Variants in PACRGL observed in about 807,000 individuals in gnomAD.
PACRGL encodes the protein PACRG-like protein.
PACRGL carries 38 observed loss-of-function variants against 34.5 expected under a neutral mutation model. The observed-to-expected ratio is 1.10, with a 90% CI of 0.85 to 1.44. PACRGL has a LOEUF of 1.44. Ranked by LOEUF, PACRGL falls within the 40% of genes most tolerant of loss-of-function variation. The pLI is 0.00. For synonymous variants in PACRGL, 128 were observed against 100.1 expected (o/e 1.28, Z -1.66); for missense variants, 305 against 281.4 (o/e 1.08, Z -0.60).
downstream of PACRGL, among the ~76,000 whole-genome samples, chr4:20,735,996 G>A (rs187138636): frequency 1.4e-3 from 210 of 152,224 alleles, 1 homozygote; most frequent in Non-Finnish European, 2.3e-3. Flanking sequence ...TTTTATAGCT[G>A]TATTTCTATC....
chr4:20,734,417 G>GTGTA (rs1749087592), downstream of PACRGL, among the ~76,000 whole-genome samples: 1 of 152,110 alleles, frequency 6.6e-6, no homozygotes, highest in Admixed American at 6.6e-5. Flanking sequence ...GGAAACAAGG[G>GTGTA]TGTAATCTTT....
intron 8 of PACRGL, among the ~76,000 whole-genome samples, chr4:20,748,767 T>C (rs995548780): frequency 1.3e-5 from 2 of 150,134 alleles, no homozygotes; most frequent in Non-Finnish European, 3.0e-5. Context: ...AATAAAAGCC[T>C]TCACAGCTGA....
chr4:20,748,485 G>A (rs976732008), intron 8 of PACRGL, among the ~76,000 whole-genome samples: 13 of 148,460 alleles, frequency 8.8e-5, no homozygotes, highest in Non-Finnish European at 1.9e-4. Flanking sequence ...CTTTATCAGA[G>A]CTCTCATCAA....
At chr4:20,740,399 G>C (rs1041723065) in intron 8 of PACRGL, among the ~76,000 whole-genome samples, 24 of 152,178 alleles carry the variant, frequency 1.6e-4, no homozygotes, top group African/African-American at 5.5e-4. Context: ...AACTTTACAA[G>C]CCAGAAGAGA....
chr4:20,701,926 A>G (rs527389250), intron 1 of PACRGL: 2 of 455,612 alleles, frequency 4.4e-6, no homozygotes, highest in Non-Finnish European at 8.8e-6. Flanking sequence ...ATTGTTTTGG[A>G]AGGAAATTCT....
rs1388470260 is a variant in PACRGL at position 20,729,564 on chromosome 4, CTA to C, written c.*2225_*2226del. The stretch of plus-strand genomic sequence containing the variant: ...GGTGGGAAGGCCATAGAAACTGGAA[CTA>C]TGTGTTTTTTTAATTGTTGTAATCT... On this transcript the variant is annotated 3_prime_UTR_variant, in exon 9 of 9. Transcript: ENST00000503585. 6.7e-6 allele frequency: 1 copy of C among 148,198 alleles called. No homozygotes were observed. The highest frequency in any genetic ancestry group is 2.5e-5 in the African/African-American group (1 of 40,050). 9.2% of individuals were successfully genotyped at this position (148,198 alleles called of 1,614,324 possible). A position where few individuals can be genotyped will look rare whatever the true frequency, so the allele number is the denominator to read the frequency against.
chr4:20,756,332 C>T (rs538065425), downstream of PACRGL, among the ~76,000 whole-genome samples: 15 of 152,234 alleles, frequency 9.9e-5, no homozygotes, highest in South Asian at 2.9e-3. Context: ...CCTGAACTCC[C>T]GATTCATGGA....
the PACRGL span, among the ~76,000 whole-genome samples, chr4:20,762,865 C>T: frequency 6.6e-6 from 1 of 152,164 alleles, no homozygotes; most frequent in Non-Finnish European, 1.5e-5. Context: ...TTAATTGACT[C>T]ACAGGTCAGC....
rs1157963632 is a variant in PACRGL, at chr4:20,729,824, A to ATTCTATTAC, written c.*2486_*2494dup. Reference sequence around the variant, plus strand: ...AGGAACCAATAAAACTATATGCCAGATTCTATTACTTTTGAATATTCACAG... The same window carrying ATTCTATTAC: ...AGGAACCAATAAAACTATATGCCAGATTCTATTACTTCTATTACTTTTGAATATTCACAG... On this transcript the variant is annotated 3_prime_UTR_variant, in exon 9 of 9. Transcript: ENST00000503585. 3 of 358,370 alleles carry ATTCTATTAC rather than the reference A, an allele frequency of 8.4e-6. No homozygotes were observed. Among genetic ancestry groups the ATTCTATTAC allele is most frequent in the Non-Finnish European group, 1.5e-5 (3 of 200,106 alleles). 22.2% of individuals were successfully genotyped at this position (358,370 alleles called of 1,614,324 possible).
In PACRGL at chr4:20,713,082, T is replaced by G. The variant is rs573024534; in HGVS notation, c.501+160T>G. 3 of 734,240 alleles carry G rather than the reference T, an allele frequency of 4.1e-6. No homozygotes were observed. In the South Asian group the frequency reaches 9.2e-5, roughly 23 times the overall value. 45.5% of individuals were successfully genotyped at this position (734,240 alleles called of 1,614,324 possible). On this transcript the variant is annotated intron_variant, in intron 6 of 8. Coordinates refer to ENST00000503585, the MANE Select transcript of PACRGL (RefSeq NM_001258345.3). The stretch of plus-strand genomic sequence containing the variant: ...ATTTACAGAATTAGGCAACTGTTAC[T>G]CAGGGCCAGATAACTACATACTTGA...
intron 8 of PACRGL, among the ~76,000 whole-genome samples, chr4:20,742,751 A>T (rs538399040): frequency 6.6e-6 from 1 of 152,170 alleles, no homozygotes; most frequent in Non-Finnish European, 1.5e-5. Flanking sequence ...AGGGTATTCA[A>T]TTAGGGAAAG....
At position 20,731,405 on chromosome 4, in the gene PACRGL, C is replaced by G. The variant is rs1748163224; in HGVS notation, c.*4064C>G. The G allele has an allele frequency of 1.0e-6, 1 of 985,230 alleles. No individual in the cohort carries two copies. Among genetic ancestry groups the G allele is most frequent in the African/African-American group, 1.7e-5 (1 of 57,236 alleles). 61.0% of individuals were successfully genotyped at this position (985,230 alleles called of 1,614,324 possible). ...ATTTTTAACTGTGGTTCTGCCCACA[C>G]ATCAAGTCAAATAATTCTAAGTAAG... On this transcript the variant is annotated 3_prime_UTR_variant, in exon 9 of 9. Transcript: ENST00000503585.
At chr4:20,703,154 G>A (rs1732954904) in intron 1 of PACRGL, among the ~76,000 whole-genome samples, 1 of 152,168 alleles carries the variant, frequency 6.6e-6, no homozygotes, top group South Asian at 2.1e-4. Context: ...AAAAATGAAG[G>A]AGTTAAGAGT....
At chr4:20,741,806 A>C (rs1751177669) in intron 8 of PACRGL, among the ~76,000 whole-genome samples, 1 of 152,216 alleles carries the variant, frequency 6.6e-6, no homozygotes, top group Admixed American at 6.5e-5. Flanking sequence ...AGATCAACAA[A>C]ATTGATAGAC....
At chr4:20,726,519 T>TTA (rs1745720798) in intron 8 of PACRGL, among the ~76,000 whole-genome samples, 1 of 152,172 alleles carries the variant, frequency 6.6e-6, no homozygotes, top group Admixed American at 6.5e-5. Flanking sequence ...CTAATTTCTG[T>TTA]TACTTCGTAA....
In PACRGL at chr4:20,731,711, T is replaced by C. The variant is rs1292983534; in HGVS notation, c.*4370T>C. 9 of 985,166 alleles carry C rather than the reference T, an allele frequency of 9.1e-6. No homozygotes were observed. Among genetic ancestry groups the C allele is most frequent in the Non-Finnish European group, 1.1e-5 (9 of 829,802 alleles). The allele number at this position is 985,166 out of a possible 1,614,324, so 61.0% of individuals were successfully genotyped here. A position where few individuals can be genotyped will look rare whatever the true frequency, so the allele number is the denominator to read the frequency against. On this transcript the variant is annotated 3_prime_UTR_variant, in exon 9 of 9. Coordinates refer to ENST00000503585, the MANE Select transcript of PACRGL (RefSeq NM_001258345.3). ...TTGGCAAAGAGCAATTCAAATCTCA[T>C]GTATGTTTTATCCTCCATGAATACT... is the stretch of plus-strand genomic sequence containing the variant.
At chr4:20,761,863 T>C in the PACRGL span, among the ~76,000 whole-genome samples, 1 of 152,188 alleles carries the variant, frequency 6.6e-6, no homozygotes, top group Non-Finnish European at 1.5e-5. Flanking sequence ...ACCAGATAAA[T>C]TTGTTTTTAT....
chr4:20,744,240 C>A (rs556154183), intron 8 of PACRGL, among the ~76,000 whole-genome samples: 2 of 152,258 alleles, frequency 1.3e-5, no homozygotes, highest in South Asian at 4.2e-4. Context: ...ACCATTTGAC[C>A]CAGCAATCCC....
At chr4:20,763,681 CTG>C in the PACRGL span, among the ~76,000 whole-genome samples, 346 of 152,246 alleles carry the variant, frequency 2.3e-3, 7 homozygotes, top group South Asian at 0.044. Context: ...CTCCAAGTGT[CTG>C]TGTTCTGAAA....
Sources: allele counts gnomAD v4.1 joint callset (sites outside exome capture counted in the v4.1 genomes callset), GRCh38; gene constraint gnomAD v4.1.1; transcripts MANE v1.5; gene names NCBI Gene and HGNC (gene_info 2026-07-23, HGNC 2026-07-21).